Variants in GARIN1A observed in about 807,000 individuals in gnomAD.
GARIN1A encodes Golgi-associated RAB2 interactor protein 1A.
the GARIN1A span, among the ~76,000 whole-genome samples, chr7:128,704,323 G>GA: frequency 9.3e-6 from 1 of 108,018 alleles, no homozygotes; most frequent in Admixed American, 8.9e-5. Context: ...TTTTTTTTTT[G>GA]AAACAGAGTC....
the GARIN1A span, chr7:128,683,272 A>G: frequency 6.6e-6 from 5 of 754,766 alleles, no homozygotes; most frequent in Non-Finnish European, 1.0e-5. Context: ...TGGTGTTTCC[A>G]ACAAGGTGCT....
chr7:128,706,768 T>C, the GARIN1A span, among the ~76,000 whole-genome samples: 2 of 152,186 alleles, frequency 1.3e-5, no homozygotes. Context: ...GCCTCATCCT[T>C]CATCCCTGGG....
the GARIN1A span, among the ~76,000 whole-genome samples, chr7:128,677,208 G>T: frequency 6.6e-6 from 1 of 151,774 alleles, no homozygotes; most frequent in East Asian, 1.9e-4. Flanking sequence ...CCACATGGTC[G>T]ATTGAAACCA....
At chr7:128,672,608 G>A in the GARIN1A span, 14 of 1,265,856 alleles carry the variant, frequency 1.1e-5, no homozygotes, top group South Asian at 1.9e-4. Flanking sequence ...TGTTCCTAGG[G>A]GTTGGTTAGG....
the GARIN1A span, chr7:128,709,116 CA>C: frequency 1.3e-5 from 2 of 152,402 alleles, no homozygotes; most frequent in Non-Finnish European, 2.9e-5. Flanking sequence ...GGAGCTGGAG[CA>C]GCCACCTGAG....
chr7:128,681,677 A>G, the GARIN1A span, among the ~76,000 whole-genome samples: 29 of 151,518 alleles, frequency 1.9e-4, no homozygotes, highest in African/African-American at 6.8e-4. Flanking sequence ...AATTTTTTAA[A>G]TTTTTAGTAG....
At chr7:128,676,887 T>A in the GARIN1A span, among the ~76,000 whole-genome samples, 3 of 151,998 alleles carry the variant, frequency 2.0e-5, no homozygotes, top group Non-Finnish European at 2.9e-5. Flanking sequence ...ATCATACTTA[T>A]CTTGGCAGGG....
chr7:128,706,340 C>T, the GARIN1A span, among the ~76,000 whole-genome samples: 1 of 152,182 alleles, frequency 6.6e-6, no homozygotes, highest in Non-Finnish European at 1.5e-5. Context: ...AACCAATCTA[C>T]ATACTTAGCG....
the GARIN1A span, among the ~76,000 whole-genome samples, chr7:128,696,008 C>CTTTTT: frequency 5.0e-5 from 4 of 80,122 alleles, no homozygotes; most frequent in Non-Finnish European, 6.7e-5. Context: ...TCCTAACTTC[C>CTTTTT]TTTTTTTTTT....
At chr7:128,677,998 G>A in the GARIN1A span, 2 of 316,540 alleles carry the variant, frequency 6.3e-6, no homozygotes, top group South Asian at 5.2e-5. Context: ...CTAATATTAA[G>A]ACATTTAGAA....
At chr7:128,686,378 T>C in the GARIN1A span, 53,640 of 152,028 alleles carry the variant, frequency 0.35, 9,700 homozygotes, top group South Asian at 0.45. Flanking sequence ...GTAGATCTTA[T>C]TATTACATTT....
the GARIN1A span, chr7:128,683,278 G>T: frequency 1.4e-6 from 1 of 725,266 alleles, no homozygotes. Context: ...TTCCAACAAG[G>T]TGCTTCTCTA....
chr7:128,675,653 T>C, the GARIN1A span: 2 of 1,612,238 alleles, frequency 1.2e-6, no homozygotes, highest in Non-Finnish European at 8.5e-7. Flanking sequence ...TTCTGACCCA[T>C]GTACCTGAGG....
At chr7:128,693,073 C>CT in the GARIN1A span, among the ~76,000 whole-genome samples, 1 of 152,248 alleles carries the variant, frequency 6.6e-6, no homozygotes, top group African/African-American at 2.4e-5. Context: ...GGATTTTGCT[C>CT]TGTCTCTGAT....
the GARIN1A span, among the ~76,000 whole-genome samples, chr7:128,676,051 G>A: frequency 2.9e-5 from 4 of 138,518 alleles, no homozygotes; most frequent in South Asian, 4.5e-4. Context: ...ACAGAGTCTC[G>A]CTCTGTTGCC....
At chr7:128,701,174 C>T in the GARIN1A span, among the ~76,000 whole-genome samples, 4 of 151,302 alleles carry the variant, frequency 2.6e-5, no homozygotes, top group East Asian at 1.9e-4. Context: ...CCTCAAAGTT[C>T]AGCCCCATGT....
At chr7:128,689,000 G>T in the GARIN1A span, among the ~76,000 whole-genome samples, 3 of 151,068 alleles carry the variant, frequency 2.0e-5, no homozygotes, top group Non-Finnish European at 4.4e-5. Context: ...ACGGGGTTTC[G>T]CTGTGTTGGC....
the GARIN1A span, among the ~76,000 whole-genome samples, chr7:128,689,811 G>A: frequency 6.8e-6 from 1 of 147,818 alleles, no homozygotes; most frequent in Non-Finnish European, 1.5e-5. Context: ...CGCCCAGCCA[G>A]CCGCCCCGTC....
chr7:128,705,320 G>A, the GARIN1A span, among the ~76,000 whole-genome samples: 28 of 152,034 alleles, frequency 1.8e-4, no homozygotes, highest in Non-Finnish European at 3.5e-4. Flanking sequence ...TGTCTTAGAC[G>A]GCACAGGCTT....
Sources: gnomAD v4.1 joint callset for allele counts (sites outside exome capture counted in the v4.1 genomes callset) on GRCh38, gnomAD v4.1.1 for gene constraint, MANE v1.5 for transcripts, NCBI Gene and HGNC (gene_info 2026-07-23, HGNC 2026-07-21) for gene names.